Variants in POLE2 observed in about 807,000 individuals in gnomAD.
The protein encoded by POLE2 is DNA polymerase epsilon 2, accessory subunit.
Under a neutral mutation model 79.4 loss-of-function variants are expected in POLE2, and 56 were observed. The ratio of observed to expected loss-of-function variants is 0.71; its 90% CI spans 0.57 to 0.88. The LOEUF (loss-of-function observed/expected upper bound fraction) is 0.88, where lower values mean the gene tolerates loss of function less well. Among genes scored for constraint, POLE2 ranks in the 40% least tolerant of loss-of-function variants. The pLI, the probability that POLE2 is intolerant of heterozygous loss-of-function variation, is 0.00. For synonymous variants in POLE2, 212 were observed against 214.0 expected (o/e 0.99, Z 0.08); for missense variants, 598 against 638.9 (o/e 0.94, Z 0.69).
intron 10 of POLE2, among the ~76,000 whole-genome samples, chr14:49,656,126 CG>C (rs1884648883): frequency 6.6e-6 from 1 of 152,020 alleles, no homozygotes; most frequent in South Asian, 2.1e-4. Context: ...GAGGCCGAGG[CG>C]GGCGGATCAC....
At chr14:49,682,211 C>G (rs1017776561) in intron 2 of POLE2, among the ~76,000 whole-genome samples, 1 of 150,864 alleles carries the variant, frequency 6.6e-6, no homozygotes, top group African/African-American at 2.4e-5. Context: ...GCCATGTTGT[C>G]CAGGCTGACC....
chr14:49,658,376 C>A (rs1860765974), intron 10 of POLE2, among the ~76,000 whole-genome samples: 2 of 152,102 alleles, frequency 1.3e-5, no homozygotes, highest in Admixed American at 1.3e-4. Context: ...GCGCCCGGCC[C>A]CTCTGGTCAT....
intron 5 of POLE2, among the ~76,000 whole-genome samples, chr14:49,670,315 T>TC (rs1885789494): frequency 2.7e-5 from 1 of 37,356 alleles, no homozygotes; most frequent in South Asian, 8.1e-4. Flanking sequence ...AAACTGTGTC[T>TC]CCAAAAAAAA....
intron 1 of POLE2, among the ~76,000 whole-genome samples, chr14:49,684,003 T>G (rs1250510452): frequency 6.6e-6 from 1 of 152,206 alleles, no homozygotes; most frequent in Non-Finnish European, 1.5e-5. Flanking sequence ...TCTGATATAT[T>G]ACATTAGCCT....
chr14:49,648,763 G>T (rs1475809182), intron 17 of POLE2, among the ~76,000 whole-genome samples: 1 of 152,174 alleles, frequency 6.6e-6, no homozygotes, highest in African/African-American at 2.4e-5. Flanking sequence ...TGTCAAAAGT[G>T]CCAAGGCCGA....
rs546792019 is a variant in POLE2 at position 49,677,707 on chromosome 14, T to C, written c.245+2018A>G. ...AAATGGTGTTCAAGAAACGTGACAG[T>C]GTGGCCCTTGCTGTGCAGAACCAAC... is the stretch of plus-strand genomic sequence containing the variant. On this transcript the variant is annotated intron_variant, in intron 3 of 18. Transcript: ENST00000216367. 360 of 1,381,420 alleles carry C rather than the reference T, an allele frequency of 2.6e-4. 1 individual carries two copies. Among genetic ancestry groups the C allele is most frequent in the East Asian group, 4.5e-4 (17 of 38,074 alleles). The allele number at this position is 1,381,420 out of a possible 1,614,324, so 85.6% of individuals were successfully genotyped here.
chr14:49,651,862 GA>G (rs1884264442), intron 15 of POLE2, among the ~76,000 whole-genome samples: 1 of 152,056 alleles, frequency 6.6e-6, no homozygotes, highest in Non-Finnish European at 1.5e-5. Context: ...ATACCCAGAG[GA>G]AGCGCACTGC....
chr14:49,667,079 T>G (rs1372400971), intron 6 of POLE2, among the ~76,000 whole-genome samples: 1 of 151,884 alleles, frequency 6.6e-6, no homozygotes, highest in Non-Finnish European at 1.5e-5. Flanking sequence ...TCCCAGCTAC[T>G]CGGGAGGCTG....
chr14:49,651,774 T>C (rs138887142), intron 15 of POLE2, among the ~76,000 whole-genome samples: 11 of 152,270 alleles, frequency 7.2e-5, no homozygotes, highest in South Asian at 6.2e-4. Flanking sequence ...ATTAATAGGA[T>C]GATCAGAACA....
At position 49,688,151 on chromosome 14, in the gene POLE2, C is replaced by T. The variant is rs902923829; in HGVS notation, c.53G>A (p.Gly18Asp). 12 of 1,557,052 alleles carry T rather than the reference C, an allele frequency of 7.7e-6. No homozygotes were observed. Among genetic ancestry groups the T allele is most frequent in the Non-Finnish European group, 1.0e-5 (12 of 1,152,756 alleles). The change falls in exon 1 of 19, where the codon GGC becomes GAC. Residue 18 changes from glycine to aspartate, a missense_variant. Gly to Asp is a moderately conservative substitution (Grantham distance 94). Coordinates refer to ENST00000216367, the MANE Select transcript of POLE2 (RefSeq NM_002692.4). The part of the protein sequence containing the change: ...SRALSAFKLR[G>D]LLLRGEAIKY... ...GCCCACTCACCCACGGAGCAGCAAGCCCCGCAACTTGAAGGCGGAGAGCGC... is the reference window on the plus strand; with the variant it reads ...GCCCACTCACCCACGGAGCAGCAAGTCCCGCAACTTGAAGGCGGAGAGCGC...
chr14:49,668,530 G>A (rs1333139747), intron 6 of POLE2, among the ~76,000 whole-genome samples: 2 of 151,708 alleles, frequency 1.3e-5, no homozygotes, highest in Admixed American at 1.3e-4. Flanking sequence ...CATCATTTTT[G>A]CAATTGGTAA....
chr14:49,681,021 C>G (rs1886664684), intron 2 of POLE2, among the ~76,000 whole-genome samples: 1 of 152,142 alleles, frequency 6.6e-6, no homozygotes, highest in Non-Finnish European at 1.5e-5. Flanking sequence ...AACCATTTAT[C>G]CTGTATCACG....
chr14:49,664,776 T>G (rs898340842), intron 8 of POLE2, 102 bp from the exon 9 acceptor site: 1 of 782,406 alleles, frequency 1.3e-6, no homozygotes, highest in African/African-American at 1.8e-5. Context: ...TTTAAAGACT[T>G]CCCATTTGAA....
At chr14:49,684,825 A>G (rs948316672) in intron 1 of POLE2, among the ~76,000 whole-genome samples, 1 of 151,900 alleles carries the variant, frequency 6.6e-6, no homozygotes, top group African/African-American at 2.4e-5. Context: ...TACAAAAACA[A>G]AATTAGCCAG....
At chr14:49,678,009 T>A (rs995716621) in intron 3 of POLE2, 31 of 162,220 alleles carry the variant, frequency 1.9e-4, no homozygotes, top group African/African-American at 7.2e-4. Flanking sequence ...TTTTATTTTT[T>A]TTTTTTTGAG....
At chr14:49,651,894 G>C (rs1884267308) in intron 15 of POLE2, among the ~76,000 whole-genome samples, 1 of 152,034 alleles carries the variant, frequency 6.6e-6, no homozygotes, top group Non-Finnish European at 1.5e-5. Flanking sequence ...AACAGATGGA[G>C]CCCAGGCCCT....
At chr14:49,646,302 G>GGTTT (rs1883757411) in intron 18 of POLE2, among the ~76,000 whole-genome samples, 1 of 84,554 alleles carries the variant, frequency 1.2e-5, no homozygotes, top group African/African-American at 5.9e-5. Flanking sequence ...TTTTTTGTTG[G>GGTTT]TTTTTTTTTT....
chr14:49,669,396 A>C (rs1407342272), intron 6 of POLE2, 128 bp downstream of exon 6: 14 of 599,114 alleles, frequency 2.3e-5, no homozygotes, highest in Non-Finnish European at 3.9e-5. Context: ...GTGGGCATGC[A>C]GCCCATCCAG....
intron 8 of POLE2, among the ~76,000 whole-genome samples, 168 bp downstream of exon 8, chr14:49,664,939 A>G (rs1269837057): frequency 6.6e-6 from 1 of 152,232 alleles, no homozygotes; most frequent in Non-Finnish European, 1.5e-5. Flanking sequence ...ATAAGAGAAA[A>G]TTAAAGTTGT....
Sources: allele counts gnomAD v4.1 joint callset (sites outside exome capture counted in the v4.1 genomes callset), GRCh38; gene constraint gnomAD v4.1.1; transcripts MANE v1.5; gene names NCBI Gene and HGNC (gene_info 2026-07-23, HGNC 2026-07-21).